The following TMEM131L variants were observed in gnomAD, a reference collection of about 807,000 sequenced individuals.
TMEM131L encodes the protein transmembrane protein 131-like.
Under a neutral mutation model 192.2 loss-of-function variants are expected in TMEM131L, and 54 were observed. The ratio of observed to expected loss-of-function variants is 0.28; its 90% CI spans 0.23 to 0.35. The LOEUF is 0.35. Among genes scored for constraint, TMEM131L ranks in the 10% least tolerant of loss-of-function variants. TMEM131L has a pLI of 1.00. For synonymous variants in TMEM131L, 701 were observed against 704.9 expected (o/e 0.99, Z 0.09); for missense variants, 1,888 against 1,972.9 (o/e 0.96, Z 0.82).
intron 13 of TMEM131L, 46 bp downstream of exon 13, chr4:153,585,657 T>C: frequency 1.4e-6 from 2 of 1,424,226 alleles, no homozygotes; most frequent in Non-Finnish European, 1.9e-6. Context: ...TTTTAAGCTT[T>C]GTTTAAGGTC....
At position 153,555,413 on chromosome 4, in the gene TMEM131L, A is replaced by C. The variant is rs1737911460; in HGVS notation, c.309-374A>C. 6.6e-6 allele frequency among the ~76,000 whole-genome samples: 1 copy of C among 152,178 alleles called. No homozygotes were observed. On this transcript the variant is annotated intron_variant, in intron 4 of 34. Transcript: ENST00000409959. The surrounding 1 kb of genome is among the most constrained non-coding windows in gnomAD (Gnocchi z 4.1). ...CATTCATACTTTCATTGAATTATTC[A>C]ACATATTTTCATTGAATTAGAGACC...
chr4:153,518,030 G>T (rs543793081), intron 3 of TMEM131L, among the ~76,000 whole-genome samples: 1 of 150,528 alleles, frequency 6.6e-6, no homozygotes, highest in East Asian at 1.9e-4. Flanking sequence ...TTATAATGGG[G>T]TGAAAAAAAA....
intron 3 of TMEM131L, among the ~76,000 whole-genome samples, chr4:153,511,675 G>T (rs1482246165): frequency 6.6e-6 from 1 of 151,990 alleles, no homozygotes; most frequent in South Asian, 2.1e-4. Context: ...ATCTATATAT[G>T]TATATGAACA....
intron 29 of TMEM131L, among the ~76,000 whole-genome samples, chr4:153,625,077 A>G (rs912738951): frequency 1.3e-5 from 2 of 152,144 alleles, no homozygotes; most frequent in African/African-American, 4.8e-5. Context: ...TGCATCTACC[A>G]CAGAAGACTG....
rs559312975 is a variant in TMEM131L at position 153,586,893 on chromosome 4, G to A, written c.1482+514G>A. 3.2e-4 allele frequency among the ~76,000 whole-genome samples: 48 copies of A among 152,170 alleles called. No individual in the cohort carries two copies. The South Asian group carries it at 5.2e-3, about 16-fold the overall frequency. On this transcript the variant is annotated intron_variant, in intron 14 of 34. Transcript: ENST00000409959. Reference sequence around the variant, plus strand: ...GGGTAAATTATATTTAATTTAGACCGTCTTAAATATGTCTCTTTCTTTAAT... The same window carrying A: ...GGGTAAATTATATTTAATTTAGACCATCTTAAATATGTCTCTTTCTTTAAT...
chr4:153,511,172 A>G lies in TMEM131L; in HGVS notation c.239+37284A>G, dbSNP rs1270365792. On this transcript the variant is annotated intron_variant, in intron 3 of 34. Coordinates refer to ENST00000409959, the MANE Select transcript of TMEM131L (RefSeq NM_001131007.2). ...ATATAAGTTGTTCTATCATAAAGAC[A>G]CATGCACTTGTATGTTCATTGTAGC... Among the ~76,000 whole-genome samples the G allele has an allele frequency of 3.3e-5, 5 of 152,344 alleles. No homozygotes were observed. The East Asian group carries it at 9.6e-4, about 29-fold the overall frequency.
At chr4:153,484,344 C>A (rs1009451187) in intron 3 of TMEM131L, among the ~76,000 whole-genome samples, 1 of 152,160 alleles carries the variant, frequency 6.6e-6, no homozygotes, top group Admixed American at 6.5e-5. Flanking sequence ...ATTGTCTTTG[C>A]AACCAATTTA....
intron 3 of TMEM131L, among the ~76,000 whole-genome samples, chr4:153,533,473 T>C (rs572920508): frequency 6.6e-6 from 1 of 152,334 alleles, no homozygotes; most frequent in Admixed American, 6.5e-5. Context: ...TAGGTTTTGA[T>C]TTATTTCTTC....
At chr4:153,504,247 G>T (rs904703304) in intron 3 of TMEM131L, among the ~76,000 whole-genome samples, 1 of 144,278 alleles carries the variant, frequency 6.9e-6, no homozygotes, top group African/African-American at 2.6e-5. Context: ...GATTACGGGC[G>T]TGAGCCACCG....
intron 25 of TMEM131L, among the ~76,000 whole-genome samples, chr4:153,610,940 A>T (rs1732569284): frequency 6.6e-6 from 1 of 152,236 alleles, no homozygotes; most frequent in Non-Finnish European, 1.5e-5. Flanking sequence ...GTTCAAGAAA[A>T]AAGAAGAAGG....
intron 7 of TMEM131L, among the ~76,000 whole-genome samples, chr4:153,560,278 A>T (rs1215377921): frequency 6.6e-6 from 1 of 152,078 alleles, no homozygotes; most frequent in African/African-American, 2.4e-5. Flanking sequence ...CCTGCACCTC[A>T]CCTGGGAAGC....
intron 9 of TMEM131L, among the ~76,000 whole-genome samples, chr4:153,582,535 T>A (rs1056164444): frequency 7.3e-6 from 1 of 136,934 alleles, no homozygotes; most frequent in African/African-American, 2.6e-5. Context: ...CCGCTTGGCC[T>A]CCCAAAGTGC....
chr4:153,565,351 T>C (rs1399537942), intron 7 of TMEM131L, among the ~76,000 whole-genome samples: 2 of 152,228 alleles, frequency 1.3e-5, no homozygotes, highest in African/African-American at 2.4e-5. Flanking sequence ...TTTGTATAAC[T>C]TCACCTTTTC....
intron 4 of TMEM131L, 95 bp downstream of exon 4, chr4:153,550,236 T>C: frequency 1.9e-6 from 1 of 517,460 alleles, no homozygotes; most frequent in Non-Finnish European, 3.4e-6. Context: ...AAATTTTAGG[T>C]ATATTGATAA....
rs575157620 is a variant in TMEM131L at position 153,589,011 on chromosome 4, C to A, written c.1670+4C>A. 22 of 1,424,336 alleles carry A rather than the reference C, an allele frequency of 1.5e-5. No individual in the cohort carries two copies. The highest frequency in any genetic ancestry group is 1.7e-4 in the Middle Eastern group (1 of 5,724). 88.2% of individuals were successfully genotyped at this position (1,424,336 alleles called of 1,614,324 possible). On this transcript the variant is annotated splice_donor_region_variant and intron_variant, in intron 16 of 34. Coordinates refer to ENST00000409959, the MANE Select transcript of TMEM131L (RefSeq NM_001131007.2). ...ATAAAAATGGTGACGTCTGCAAGTACGTCTCCACTGTCTTCTTTTTTGTTC... is the reference window on the plus strand; with the variant it reads ...ATAAAAATGGTGACGTCTGCAAGTAAGTCTCCACTGTCTTCTTTTTTGTTC...
At chr4:153,560,179 A>G (rs1349278381) in intron 7 of TMEM131L, among the ~76,000 whole-genome samples, 2 of 152,194 alleles carry the variant, frequency 1.3e-5, no homozygotes, top group East Asian at 3.8e-4. Flanking sequence ...TGCCCACATG[A>G]TGTAATTGCT....
chr4:153,601,908 G>GGT, intron 21 of TMEM131L: 1 of 277,162 alleles, frequency 3.6e-6, no homozygotes, highest in Non-Finnish European at 6.6e-6. Flanking sequence ...TTTGTATCTT[G>GGT]GTAGAGCATT....
intron 7 of TMEM131L, among the ~76,000 whole-genome samples, chr4:153,564,287 C>CAAAAAAAAAA (rs1178320668): frequency 2.8e-4 from 5 of 17,650 alleles, no homozygotes; most frequent in African/African-American, 5.5e-4. Context: ...AACTCCGTCT[C>CAAAAAAAAAA]AAAAAAAAAA....
At chr4:153,545,976 T>C (rs1253481866) in intron 3 of TMEM131L, among the ~76,000 whole-genome samples, 1 of 152,154 alleles carries the variant, frequency 6.6e-6, no homozygotes, top group Non-Finnish European at 1.5e-5. Flanking sequence ...TTTGAACTCC[T>C]GGGCTCAAGG....
Sources: allele counts gnomAD v4.1 joint callset (sites outside exome capture counted in the v4.1 genomes callset), GRCh38; gene constraint gnomAD v4.1.1; non-coding constraint Gnocchi (gnomAD v3.1); transcripts MANE v1.5; gene names NCBI Gene and HGNC (gene_info 2026-07-23, HGNC 2026-07-21).